The following HSD17B11 variants were observed in gnomAD, a reference collection of about 807,000 sequenced individuals.
The protein encoded by HSD17B11 is hydroxysteroid 17-beta dehydrogenase 11.
In HSD17B11, 22 loss-of-function variants were observed where a neutral mutation model predicts 27.8. The ratio of observed to expected loss-of-function variants is 0.79; its 90% confidence interval spans 0.56 to 1.13. The LOEUF (loss-of-function observed/expected upper bound fraction) is 1.13. HSD17B11 is among the 50% of genes most tolerant of loss of function. The pLI is 0.00. For synonymous variants in HSD17B11, 117 were observed against 132.8 expected, an observed-to-expected ratio of 0.88 and a Z score of 0.82; for missense variants, 314 against 351.1, an observed-to-expected ratio of 0.89 and a Z score of 0.84.
At chr4:87,374,585 G>A in intron 3 of HSD17B11, 114 bp downstream of exon 3, 1 of 938,340 alleles carries the variant, frequency 1.1e-6, no homozygotes, top group South Asian at 1.6e-5. Flanking sequence ...GTTATCCCTG[G>A]TGCCTGGAGA....
chr4:87,381,583 C>T (rs1720169024), intron 2 of HSD17B11, among the ~76,000 whole-genome samples: 1 of 151,296 alleles, frequency 6.6e-6, no homozygotes, highest in African/African-American at 2.4e-5. Flanking sequence ...CATGGTGAGA[C>T]CCCGTTTTCT....
chr4:87,370,845 C>G (rs1225881606), intron 4 of HSD17B11, among the ~76,000 whole-genome samples: 1 of 109,490 alleles, frequency 9.1e-6, no homozygotes, highest in East Asian at 2.0e-4. Context: ...CTCCGCCTCC[C>G]GGGTTCACGC....
At chr4:87,385,900 G>A (rs766990962) in intron 1 of HSD17B11, 13 of 147,690 alleles carry the variant, frequency 8.8e-5, no homozygotes, top group Non-Finnish European at 1.6e-4. Context: ...GGGCAACAGT[G>A]CGAGACTCTA....
At chr4:87,380,863 CAAAAA>C (rs561938045) in intron 2 of HSD17B11, among the ~76,000 whole-genome samples, 8,313 of 73,470 alleles carry the variant, frequency 0.11, 208 homozygotes, top group African/African-American at 0.15. Context: ...GACTCTATCT[CAAAAA>C]AAAAAAAAAA....
At chr4:87,368,365 C>T (rs1735647483) in intron 4 of HSD17B11, among the ~76,000 whole-genome samples, 1 of 151,976 alleles carries the variant, frequency 6.6e-6, no homozygotes, top group African/African-American at 2.4e-5. Context: ...CATGAATGGC[C>T]CTCGCCACAC....
rs539813764 is a variant in HSD17B11 at position 87,342,594 on chromosome 4, G to T, written c.696-1988C>A. On this transcript the variant is annotated intron_variant, in intron 5 of 6. Transcript: ENST00000358290. ...ATGAAATTCTTTAGAAATAAATAAA[G>T]AATAATTCATTCAGAAAAAAAATAT... Among the ~76,000 whole-genome samples the T allele has an allele frequency of 2.0e-5, 3 of 151,860 alleles. No individual in the cohort carries two copies. In the South Asian group the frequency reaches 6.2e-4, roughly 32 times the overall value.
chr4:87,385,230 T>C (rs1290001062), intron 1 of HSD17B11, among the ~76,000 whole-genome samples: 1 of 152,200 alleles, frequency 6.6e-6, no homozygotes, highest in Non-Finnish European at 1.5e-5. Flanking sequence ...TGTATACACA[T>C]AGGATAGAAT....
chr4:87,386,228 A>G (rs1436811973), intron 1 of HSD17B11, among the ~76,000 whole-genome samples: 1 of 147,080 alleles, frequency 6.8e-6, no homozygotes, highest in African/African-American at 2.5e-5. Context: ...TCTGAGATGG[A>G]GTCTCGCTCT....
intron 1 of HSD17B11, among the ~76,000 whole-genome samples, chr4:87,385,577 G>A (rs1720293251): frequency 6.6e-6 from 1 of 152,086 alleles, no homozygotes; most frequent in African/African-American, 2.4e-5. Flanking sequence ...TTAAAATGGT[G>A]TGTTATGTCA....
chr4:87,380,937 T>C (rs568849379), intron 2 of HSD17B11, among the ~76,000 whole-genome samples: 3 of 148,962 alleles, frequency 2.0e-5, no homozygotes, highest in Non-Finnish European at 4.4e-5. Flanking sequence ...TCCCAGCACT[T>C]TGGGAGGCCA....
chr4:87,381,512 C>T (rs766943637), intron 2 of HSD17B11, among the ~76,000 whole-genome samples: 23 of 151,884 alleles, frequency 1.5e-4, no homozygotes, highest in Non-Finnish European at 3.4e-4. Flanking sequence ...AATCCCAGGA[C>T]TTTGGGAGGC....
chr4:87,353,160 T>G (rs1377602647), intron 5 of HSD17B11, among the ~76,000 whole-genome samples: 1 of 147,570 alleles, frequency 6.8e-6, no homozygotes, highest in African/African-American at 2.6e-5. Context: ...TATTCTGGAT[T>G]TTTAACAGCA....
chr4:87,368,351 G>A (rs1427970742), intron 4 of HSD17B11, among the ~76,000 whole-genome samples: 1 of 151,904 alleles, frequency 6.6e-6, no homozygotes, highest in Non-Finnish European at 1.5e-5. Context: ...AAAAACTCAA[G>A]AGTCATGAAT....
chr4:87,379,713 TATA>T (rs1168716253), intron 2 of HSD17B11, among the ~76,000 whole-genome samples: 18 of 144,432 alleles, frequency 1.2e-4, no homozygotes, highest in Non-Finnish European at 9.0e-5. Context: ...TATATTAGTA[TATA>T]ATAATAGTAT....
At chr4:87,345,832 AGGACTAG>A (rs1735262671) in intron 5 of HSD17B11, among the ~76,000 whole-genome samples, 1 of 152,186 alleles carries the variant, frequency 6.6e-6, no homozygotes, top group Admixed American at 6.5e-5. Flanking sequence ...AGAGGAGCCC[AGGACTAG>A]ATGGCTTCAT....
At chr4:87,390,019 G>A (rs1318618610) in intron 1 of HSD17B11, among the ~76,000 whole-genome samples, 2 of 152,060 alleles carry the variant, frequency 1.3e-5, no homozygotes, top group African/African-American at 4.8e-5. Flanking sequence ...GAGTGCAGTG[G>A]GGCGTTTACA....
At chr4:87,384,845 G>A (rs540789202) in intron 1 of HSD17B11, among the ~76,000 whole-genome samples, 3 of 151,736 alleles carry the variant, frequency 2.0e-5, no homozygotes, top group Non-Finnish European at 4.4e-5. Context: ...TGTGATCTTT[G>A]TACCTACTCC....
At chr4:87,388,166 C>A (rs1169984284) in intron 1 of HSD17B11, among the ~76,000 whole-genome samples, 267 of 137,228 alleles carry the variant, frequency 1.9e-3, no homozygotes, top group Middle Eastern at 3.8e-3. Context: ...GTAGTCACAC[C>A]AAAAAAAAAA....
intron 1 of HSD17B11, 114 bp downstream of exon 1, chr4:87,390,747 A>T (rs1720435987): frequency 3.6e-6 from 3 of 839,552 alleles, no homozygotes; most frequent in Non-Finnish European, 2.0e-6. Context: ...GGCAATACTA[A>T]TTTTTTTTTC....
Sources: allele counts gnomAD v4.1 joint callset (sites outside exome capture counted in the v4.1 genomes callset), GRCh38; gene constraint gnomAD v4.1.1; transcripts MANE v1.5; gene names NCBI Gene and HGNC (gene_info 2026-07-23, HGNC 2026-07-21).